The following GPC5 variants were observed in gnomAD, a reference collection of about 807,000 sequenced individuals.
GPC5 encodes the protein glypican 5.
A neutral mutation model predicts 53.9 loss-of-function variants in GPC5; 47 were observed. That is an observed-to-expected ratio of 0.87 (90% CI 0.69 to 1.11). GPC5 has a LOEUF of 1.11. Among genes scored for constraint, GPC5 ranks in the 50% most tolerant of loss-of-function variants. The pLI, the probability that GPC5 is intolerant of heterozygous loss-of-function variation, is 0.00. For missense variants in GPC5, 748 were observed against 713.1 expected (o/e 1.05, Z -0.56); for synonymous variants, 286 against 263.3 (o/e 1.09, Z -0.84).
chr13:91,697,556 A>G (rs1450294183), intron 3 of GPC5, among the ~76,000 whole-genome samples: 2 of 152,188 alleles, frequency 1.3e-5, no homozygotes, highest in Non-Finnish European at 2.9e-5. Flanking sequence ...GTCTTTATGA[A>G]TGAGAAAAAA....
chr13:92,032,895 C>A (rs563357570), intron 6 of GPC5, among the ~76,000 whole-genome samples: 1 of 152,292 alleles, frequency 6.6e-6, no homozygotes, highest in South Asian at 2.1e-4. Flanking sequence ...TTCTTCCATA[C>A]ACATCTATCC....
At chr13:91,724,415 T>C (rs1316343415) in intron 3 of GPC5, among the ~76,000 whole-genome samples, 1 of 152,106 alleles carries the variant, frequency 6.6e-6, no homozygotes, top group Non-Finnish European at 1.5e-5. Flanking sequence ...TCTAACCCAG[T>C]GTGCTTAATA....
intron 6 of GPC5, among the ~76,000 whole-genome samples, chr13:92,068,888 A>G (rs994222935): frequency 6.6e-6 from 1 of 151,846 alleles, no homozygotes; most frequent in African/African-American, 2.4e-5. Context: ...TATTATAAGC[A>G]TAATATAATA....
At chr13:92,079,984 A>G (rs1012637799) in intron 6 of GPC5, among the ~76,000 whole-genome samples, 1 of 152,058 alleles carries the variant, frequency 6.6e-6, no homozygotes, top group Non-Finnish European at 1.5e-5. Context: ...TCATTTTACA[A>G]TTCGTCTATA....
chr13:91,555,824 T>C (rs1350709748), intron 2 of GPC5, among the ~76,000 whole-genome samples: 1 of 152,044 alleles, frequency 6.6e-6, no homozygotes, highest in Non-Finnish European at 1.5e-5. Context: ...TCTCCCCTTA[T>C]AAAACCATCA....
chr13:92,450,178 A>G (rs960940999), intron 7 of GPC5, among the ~76,000 whole-genome samples: 3 of 152,168 alleles, frequency 2.0e-5, no homozygotes, highest in Admixed American at 6.6e-5. Flanking sequence ...GAGAAGATAT[A>G]TATATTCACT....
At chr13:92,316,264 C>A (rs752370548) in intron 7 of GPC5, among the ~76,000 whole-genome samples, 3 of 151,888 alleles carry the variant, frequency 2.0e-5, no homozygotes, top group East Asian at 1.9e-4. Context: ...TAAATGGTTG[C>A]GATTTTAATT....
chr13:92,463,205 A>G (rs1172269005), intron 7 of GPC5, among the ~76,000 whole-genome samples: 1 of 152,160 alleles, frequency 6.6e-6, no homozygotes, highest in Non-Finnish European at 1.5e-5. Flanking sequence ...TAGCAGACAA[A>G]CATGGTTTAA....
chr13:91,873,170 T>C (rs2138934710), intron 5 of GPC5, among the ~76,000 whole-genome samples: 1 of 152,316 alleles, frequency 6.6e-6, no homozygotes, highest in Middle Eastern at 3.4e-3. Flanking sequence ...TTTATAAGCA[T>C]AAACATGTCT....
intron 7 of GPC5, among the ~76,000 whole-genome samples, chr13:92,175,561 G>C (rs955217257): frequency 6.6e-6 from 1 of 151,914 alleles, no homozygotes; most frequent in Non-Finnish European, 1.5e-5. Context: ...GTTGGTGGGC[G>C]CCCCTTTGGA....
chr13:92,281,976 C>T (rs905480055), intron 7 of GPC5, among the ~76,000 whole-genome samples: 2 of 152,126 alleles, frequency 1.3e-5, no homozygotes, highest in African/African-American at 2.4e-5. Context: ...TCAATCCCAA[C>T]ACAAAGAAGC....
intron 5 of GPC5, among the ~76,000 whole-genome samples, chr13:91,856,280 T>C (rs2138901694): frequency 6.6e-6 from 1 of 151,764 alleles, no homozygotes; most frequent in Non-Finnish European, 1.5e-5. Flanking sequence ...GTAATACTGC[T>C]ATAAACATGT....
At chr13:92,164,380 G>T (rs562825971) in intron 7 of GPC5, among the ~76,000 whole-genome samples, 3 of 152,296 alleles carry the variant, frequency 2.0e-5, no homozygotes, top group African/African-American at 7.2e-5. Flanking sequence ...CCAAACGGGA[G>T]AAATTGGCCA....
chr13:91,858,740 C>A (rs1193373707), intron 5 of GPC5, among the ~76,000 whole-genome samples: 4 of 151,946 alleles, frequency 2.6e-5, no homozygotes, highest in Admixed American at 2.0e-4. Flanking sequence ...GGTATTAGTT[C>A]TTTTTAAAAT....
intron 7 of GPC5, among the ~76,000 whole-genome samples, chr13:92,584,284 C>A (rs1234897130): frequency 1.3e-5 from 2 of 152,128 alleles, no homozygotes; most frequent in Non-Finnish European, 2.9e-5. Context: ...GTGATATGGA[C>A]AATAAGGTCC....
chr13:92,562,392 G>A (rs1882729013), intron 7 of GPC5, among the ~76,000 whole-genome samples: 1 of 151,918 alleles, frequency 6.6e-6, no homozygotes, highest in South Asian at 2.1e-4. Flanking sequence ...CCTCACATAG[G>A]CCCTCCCGCT....
intron 7 of GPC5, among the ~76,000 whole-genome samples, chr13:92,855,543 C>A (rs1261668008): frequency 6.6e-6 from 1 of 151,728 alleles, no homozygotes; most frequent in Admixed American, 6.6e-5. Context: ...ATCACTATTA[C>A]AACTTTCATA....
intron 7 of GPC5, among the ~76,000 whole-genome samples, chr13:92,239,165 T>TTC (rs71120079): frequency 0.29 from 43,375 of 149,928 alleles, 6,585 homozygotes; most frequent in South Asian, 0.43. Flanking sequence ...TTTTTTTTTT[T>TTC]TCAAGATTCT....
chr13:91,493,454 A>AT (rs907958543), intron 2 of GPC5, among the ~76,000 whole-genome samples: 1 of 152,000 alleles, frequency 6.6e-6, no homozygotes, highest in African/African-American at 2.4e-5. Context: ...CTTTCTAATT[A>AT]TTTTTTTGTA....
Sources: allele counts gnomAD v4.1 joint callset (sites outside exome capture counted in the v4.1 genomes callset), GRCh38; gene constraint gnomAD v4.1.1; transcripts MANE v1.5; gene names NCBI Gene and HGNC (gene_info 2026-07-23, HGNC 2026-07-21).